AGBL4: variants seen among roughly 807,000 people sequenced by gnomAD.
The protein encoded by AGBL4 is AGBL carboxypeptidase 4, also known as cytosolic carboxypeptidase 6.
A neutral mutation model predicts 66.4 loss-of-function variants in AGBL4; 58 were observed. The ratio of observed to expected loss-of-function variants is 0.87; its 90% CI spans 0.71 to 1.09. The LOEUF (loss-of-function observed/expected upper bound fraction) is 1.09, where lower values mean the gene tolerates loss of function less well. Ranked by LOEUF, AGBL4 falls within the 50% of genes least tolerant of loss-of-function variation. AGBL4 has a pLI of 0.00. For synonymous variants in AGBL4, 234 were observed against 222.9 expected, an observed-to-expected ratio of 1.05 and a Z score of -0.44; for missense variants, 579 against 631.0, an observed-to-expected ratio of 0.92 and a Z score of 0.88.
At chr1:49,880,531 C>T (rs1410045620) in intron 1 of AGBL4, among the ~76,000 whole-genome samples, 11 of 152,076 alleles carry the variant, frequency 7.2e-5, no homozygotes, top group Admixed American at 2.6e-4. Flanking sequence ...AGATCTCCAG[C>T]TGCGTGCTGG....
intron 3 of AGBL4, among the ~76,000 whole-genome samples, chr1:49,272,719 T>C (rs184642325): frequency 3.0e-4 from 46 of 152,238 alleles, no homozygotes; most frequent in Non-Finnish European, 5.9e-4. Flanking sequence ...ATAACTAAAA[T>C]TTTAAAATAA....
intron 11 of AGBL4, among the ~76,000 whole-genome samples, chr1:48,582,191 T>C (rs1000526210): frequency 6.6e-6 from 1 of 152,162 alleles, no homozygotes; most frequent in African/African-American, 2.4e-5. Context: ...TTGTATTGAT[T>C]TTACCTATTA....
At chr1:49,179,169 G>A (rs1485587453) in intron 4 of AGBL4, among the ~76,000 whole-genome samples, 1 of 152,100 alleles carries the variant, frequency 6.6e-6, no homozygotes, top group East Asian at 1.9e-4. Flanking sequence ...TCTGGTTGCA[G>A]TATTAATAAT....
chr1:48,777,263 G>C (rs1645146899), intron 6 of AGBL4, among the ~76,000 whole-genome samples: 1 of 152,122 alleles, frequency 6.6e-6, no homozygotes, highest in African/African-American at 2.4e-5. Context: ...CAACAATCGC[G>C]CTGCCAAATT....
In AGBL4 at chr1:48,593,422, T is replaced by G. The variant is rs537108211; in HGVS notation, c.952-2437A>C. 3.3e-5 allele frequency among the ~76,000 whole-genome samples: 5 copies of G among 152,362 alleles called. No individual in the cohort carries two copies. The South Asian group carries it at 1.0e-3, about 32-fold the overall frequency. ...AAGAATGTCTTAGTGATGAAATTTG[T>G]ATATATATTATTTCACACATACACA... On this transcript the variant is annotated intron_variant, in intron 9 of 13. Coordinates refer to ENST00000371839, the MANE Select transcript of AGBL4 (RefSeq NM_032785.4).
intron 8 of AGBL4, among the ~76,000 whole-genome samples, chr1:48,646,219 G>T (rs191490632): frequency 6.6e-6 from 1 of 152,136 alleles, no homozygotes; most frequent in Admixed American, 6.5e-5. Flanking sequence ...AATGTTTCTC[G>T]TGATGCTGTG....
chr1:49,699,532 C>T (rs1340266317), intron 2 of AGBL4, among the ~76,000 whole-genome samples: 1 of 151,796 alleles, frequency 6.6e-6, no homozygotes, highest in African/African-American at 2.4e-5. Context: ...AGATTTTATA[C>T]CCAAATATAT....
chr1:50,019,919 C>T (rs565998505), intron 1 of AGBL4, among the ~76,000 whole-genome samples: 1 of 151,814 alleles, frequency 6.6e-6, no homozygotes, highest in South Asian at 2.1e-4. Context: ...ATTTGTGTCC[C>T]CATTTTAAAG....
intron 4 of AGBL4, among the ~76,000 whole-genome samples, chr1:49,066,036 G>C (rs1428242373): frequency 6.6e-6 from 1 of 152,164 alleles, no homozygotes; most frequent in Non-Finnish European, 1.5e-5. Flanking sequence ...ACAAGTTATT[G>C]CTGTAAGGGG....
chr1:49,187,485 C>A (rs1647036423), intron 4 of AGBL4: 1 of 152,144 alleles, frequency 6.6e-6, no homozygotes, highest in Non-Finnish European at 1.5e-5. Flanking sequence ...TGGCTCCACA[C>A]TGACAATAAT....
At chr1:49,049,958 T>A (rs1221996004) in intron 4 of AGBL4, among the ~76,000 whole-genome samples, 1 of 152,086 alleles carries the variant, frequency 6.6e-6, no homozygotes, top group Non-Finnish European at 1.5e-5. Context: ...CCTCTGAAGT[T>A]ATTCATATTA....
At chr1:49,881,285 T>C (rs1017316599) in intron 1 of AGBL4, among the ~76,000 whole-genome samples, 1 of 152,116 alleles carries the variant, frequency 6.6e-6, no homozygotes, top group East Asian at 1.9e-4. Flanking sequence ...ATCCAGTCTA[T>C]CATTGTTGGA....
chr1:49,012,424 T>A (rs899419619), intron 5 of AGBL4, among the ~76,000 whole-genome samples: 12 of 152,118 alleles, frequency 7.9e-5, no homozygotes, highest in East Asian at 7.7e-4. Context: ...CAGACATCTA[T>A]TAAGAGTCTC....
At chr1:49,815,599 C>T (rs1056283838) in intron 2 of AGBL4, among the ~76,000 whole-genome samples, 1 of 152,230 alleles carries the variant, frequency 6.6e-6, no homozygotes, top group East Asian at 1.9e-4. Context: ...CCAAAGTGTT[C>T]TCCATAGTTG....
intron 3 of AGBL4, among the ~76,000 whole-genome samples, chr1:49,525,963 G>T (rs1264911388): frequency 2.0e-5 from 3 of 151,828 alleles, no homozygotes; most frequent in Non-Finnish European, 4.4e-5. Context: ...ATGGTGGCGG[G>T]TGCCTGTAGT....
At chr1:49,159,469 G>A (rs1646499346) in intron 4 of AGBL4, among the ~76,000 whole-genome samples, 1 of 152,122 alleles carries the variant, frequency 6.6e-6, no homozygotes, top group Non-Finnish European at 1.5e-5. Flanking sequence ...TGGGTAACCC[G>A]ACCTTTCTCT....
intron 9 of AGBL4, among the ~76,000 whole-genome samples, chr1:48,621,828 T>TG (rs1391445386): frequency 6.6e-6 from 1 of 152,190 alleles, no homozygotes; most frequent in African/African-American, 2.4e-5. Context: ...GCCATTTTTT[T>TG]TTTTGCATAA....
Position 48,715,474 on chromosome 1 carries a change from GCCCACGAGCTC to G in AGBL4, c.635-52244_635-52234del, listed in dbSNP as rs556220124. Among the ~76,000 whole-genome samples the G allele has an allele frequency of 1.2e-4, 18 of 152,288 alleles. No homozygotes were observed. In the East Asian group the frequency reaches 3.1e-3, roughly 26 times the overall value. On this transcript the variant is annotated intron_variant, in intron 6 of 13. Transcript: ENST00000371839. The stretch of plus-strand genomic sequence containing the variant: ...CATCTGTCACTTCCCCCTGCCCTGT[GCCCACGAGCTC>G]TTGGGAGGCAAGAGGGACTTTCTCT...
At chr1:49,459,012 C>T (rs1199899379) in intron 3 of AGBL4, among the ~76,000 whole-genome samples, 1 of 148,502 alleles carries the variant, frequency 6.7e-6, no homozygotes, top group African/African-American at 2.5e-5. Flanking sequence ...GATATTGGCT[C>T]CTTCCTTCCT....
Sources: allele counts gnomAD v4.1 joint callset (sites outside exome capture counted in the v4.1 genomes callset), GRCh38; gene constraint gnomAD v4.1.1; transcripts MANE v1.5; gene names NCBI Gene and HGNC (gene_info 2026-07-23, HGNC 2026-07-21).